Variants in EPHA6 observed in about 807,000 individuals in gnomAD.
EPHA6 encodes the protein ephrin type-A receptor 6.
EPHA6 carries 50 observed loss-of-function variants against 112.0 expected under a neutral mutation model. That is an observed-to-expected ratio of 0.45 (90% CI 0.36 to 0.56). The LOEUF (loss-of-function observed/expected upper bound fraction) is 0.56, where lower values mean the gene tolerates loss of function less well. EPHA6 is among the 20% of genes least tolerant of loss of function. The probability of loss-of-function intolerance (pLI) is 0.00; values close to 1 mark genes in which losing one functional copy is unlikely to be tolerated. For synonymous variants in EPHA6, 529 were observed against 490.7 expected (o/e 1.08, Z -1.03); for missense variants, 1,280 against 1,417.4 (o/e 0.90, Z 1.56).
chr3:97,544,570 C>T (rs571982294), intron 11 of EPHA6, among the ~76,000 whole-genome samples: 14 of 152,208 alleles, frequency 9.2e-5, no homozygotes, highest in Non-Finnish European at 1.5e-4. Flanking sequence ...TGTTGTGTCT[C>T]TGCCAGGCTT....
At chr3:96,869,928 C>A (rs2036542294) in intron 2 of EPHA6, among the ~76,000 whole-genome samples, 1 of 151,886 alleles carries the variant, frequency 6.6e-6, no homozygotes, top group Non-Finnish European at 1.5e-5. Flanking sequence ...TTTTGAATAT[C>A]ATATTTTATA....
chr3:97,335,709 G>C (rs981808344), intron 5 of EPHA6, among the ~76,000 whole-genome samples: 4 of 152,132 alleles, frequency 2.6e-5, no homozygotes, highest in Non-Finnish European at 4.4e-5. Context: ...TGCCTAGACA[G>C]AGCCAATTTA....
At chr3:96,879,165 A>T (rs971912883) in intron 2 of EPHA6, among the ~76,000 whole-genome samples, 3 of 152,088 alleles carry the variant, frequency 2.0e-5, no homozygotes, top group Non-Finnish European at 4.4e-5. Flanking sequence ...GGAAACTATG[A>T]ATGTTACTGT....
At chr3:97,025,307 G>A (rs2044599321) in intron 3 of EPHA6, among the ~76,000 whole-genome samples, 1 of 152,152 alleles carries the variant, frequency 6.6e-6, no homozygotes, top group Non-Finnish European at 1.5e-5. Context: ...GAAAGGGAGA[G>A]AGAGAGAGAA....
chr3:96,849,045 G>A (rs555639928), intron 1 of EPHA6, among the ~76,000 whole-genome samples: 21 of 152,250 alleles, frequency 1.4e-4, no homozygotes, highest in African/African-American at 5.1e-4. Flanking sequence ...TCAAAAGTTA[G>A]AGCTGTCTTC....
chr3:97,525,768 G>A (rs987473714), intron 10 of EPHA6, among the ~76,000 whole-genome samples: 1 of 152,316 alleles, frequency 6.6e-6, no homozygotes, highest in Admixed American at 6.5e-5. Context: ...TGGCAGTGTT[G>A]TTACCAGAAG....
chr3:97,625,361 CT>C lies in EPHA6; in HGVS notation c.2575-12511del, dbSNP rs1287841439. 3.3e-5 allele frequency among the ~76,000 whole-genome samples: 5 copies of C among 151,790 alleles called. No individual in the cohort carries two copies. The East Asian group carries it at 9.7e-4, about 29-fold the overall frequency. ...ATTTGTGGATTTTTCCGTTTTTCTT[CT>C]GTTATTTACTTCTTACTTTATCTGT... On this transcript the variant is annotated intron_variant, in intron 13 of 17. Coordinates refer to ENST00000389672, the MANE Select transcript of EPHA6 (RefSeq NM_001080448.3).
At chr3:97,319,943 G>A (rs955546014) in intron 5 of EPHA6, among the ~76,000 whole-genome samples, 1 of 151,982 alleles carries the variant, frequency 6.6e-6, no homozygotes, top group Admixed American at 6.6e-5. Flanking sequence ...ATCTGAAAAT[G>A]TTTGATATCT....
chr3:97,168,063 A>G (rs1559769612), intron 3 of EPHA6, among the ~76,000 whole-genome samples: 1 of 152,140 alleles, frequency 6.6e-6, no homozygotes, highest in African/African-American at 2.4e-5. Flanking sequence ...ATTTTTCTTA[A>G]GAAAGTAAAG....
rs545866526 is a variant in EPHA6, at chr3:96,965,343, G to A, written c.451-21987G>A. Among the ~76,000 whole-genome samples the A allele has an allele frequency of 5.5e-3, 843 of 152,020 alleles. 6 individuals are homozygous for A. The highest frequency in any genetic ancestry group is 0.02 in the African/African-American group (820 of 41,506). On this transcript the variant is annotated intron_variant, in intron 2 of 17. Transcript: ENST00000389672. ...CTTACCTACCTCCCTAACAATACTT[G>A]AAAAAAATTGGTTTTTCATTTTTAC...
intron 3 of EPHA6, among the ~76,000 whole-genome samples, chr3:97,073,023 C>CAGCAA (rs2046407186): frequency 6.6e-6 from 1 of 152,146 alleles, no homozygotes; most frequent in Non-Finnish European, 1.5e-5. Context: ...TAACTGCTTG[C>CAGCAA]AGCACAGCAC....
intron 10 of EPHA6, among the ~76,000 whole-genome samples, chr3:97,498,330 C>CA (rs1297962805): frequency 0.03 from 1,766 of 58,410 alleles, 13 homozygotes; most frequent in South Asian, 0.1. Flanking sequence ...AAGAAAATAG[C>CA]AAAAAAAAAA....
Position 97,599,562 on chromosome 3 carries a change from A to T in EPHA6, c.2512+6825A>T, listed in dbSNP as rs1169175553. Reference sequence around the variant, plus strand: ...TTCTTGTTTTTCTCAGGTTTGTCAAAGATCAGACAGTTGTAGGTATGCGGC... The same window carrying T: ...TTCTTGTTTTTCTCAGGTTTGTCAATGATCAGACAGTTGTAGGTATGCGGC... On this transcript the variant is annotated intron_variant, in intron 12 of 17. Coordinates refer to ENST00000389672, the MANE Select transcript of EPHA6 (RefSeq NM_001080448.3). 3.3e-5 allele frequency among the ~76,000 whole-genome samples: 5 copies of T among 151,088 alleles called. No individual in the cohort carries two copies. The East Asian group carries it at 9.7e-4, about 29-fold the overall frequency.
At chr3:96,982,561 T>G (rs1214713496) in intron 2 of EPHA6, among the ~76,000 whole-genome samples, 3 of 152,178 alleles carry the variant, frequency 2.0e-5, no homozygotes, top group Admixed American at 2.0e-4. Flanking sequence ...TCTGTAGATG[T>G]CTATTAGGTC....
intron 5 of EPHA6, among the ~76,000 whole-genome samples, chr3:97,298,189 A>G (rs555741405): frequency 1.8e-4 from 28 of 152,336 alleles, no homozygotes; most frequent in Non-Finnish European, 1.3e-4. Flanking sequence ...TTGTACCAAA[A>G]CATGATATTT....
chr3:97,421,626 A>AT (rs965594229), intron 6 of EPHA6, among the ~76,000 whole-genome samples: 20 of 152,162 alleles, frequency 1.3e-4, no homozygotes, highest in African/African-American at 4.8e-4. Flanking sequence ...CAAAAAACTG[A>AT]TTTTAAACTT....
intron 11 of EPHA6, among the ~76,000 whole-genome samples, chr3:97,578,694 CT>C (rs1326342818): frequency 2.0e-5 from 3 of 151,998 alleles, no homozygotes; most frequent in Non-Finnish European, 4.4e-5. Flanking sequence ...CTGATTTGGC[CT>C]TTTAAAAAGA....
intron 2 of EPHA6, among the ~76,000 whole-genome samples, chr3:96,984,272 G>C (rs560448162): frequency 1.3e-5 from 2 of 152,274 alleles, no homozygotes; most frequent in South Asian, 4.2e-4. Flanking sequence ...CCTTCTAACA[G>C]TCAGGACCCT....
At chr3:97,224,770 AT>A (rs1576718279) in intron 3 of EPHA6, among the ~76,000 whole-genome samples, 1 of 152,124 alleles carries the variant, frequency 6.6e-6, no homozygotes, top group African/African-American at 2.4e-5. Flanking sequence ...TCTTAAAGTA[AT>A]ATTTTAAATA....
Sources: gnomAD v4.1 joint callset for allele counts (sites outside exome capture counted in the v4.1 genomes callset) on GRCh38, gnomAD v4.1.1 for gene constraint, MANE v1.5 for transcripts, NCBI Gene and HGNC (gene_info 2026-07-23, HGNC 2026-07-21) for gene names.